CSMD1: variants seen among roughly 807,000 people sequenced by gnomAD.
CSMD1 encodes CUB and sushi domain-containing protein 1.
A neutral mutation model predicts 417.5 loss-of-function variants in CSMD1; 213 were observed. That is an observed-to-expected ratio of 0.51 (90% confidence interval 0.46 to 0.57). CSMD1 has a LOEUF of 0.57. Ranked by LOEUF, CSMD1 falls within the 20% of genes least tolerant of loss-of-function variation. The probability of loss-of-function intolerance (pLI) is 0.00; values close to 1 mark genes in which losing one functional copy is unlikely to be tolerated. For missense variants in CSMD1, 6,923 were observed against 4,529.7 expected (o/e 1.53, Z -15.17); for synonymous variants, 2,862 against 1,736.8 (o/e 1.65, Z -16.11).
At chr8:4,159,928 G>C (rs538785496) in intron 3 of CSMD1, among the ~76,000 whole-genome samples, 64 of 152,108 alleles carry the variant, frequency 4.2e-4, no homozygotes, top group African/African-American at 1.4e-3. Context: ...AAAAACTTTC[G>C]GGCCTTGAGG....
chr8:4,806,966 T>A (rs1798625180), intron 1 of CSMD1, among the ~76,000 whole-genome samples: 1 of 152,234 alleles, frequency 6.6e-6, no homozygotes, highest in South Asian at 2.1e-4. Context: ...TATGTGGCAT[T>A]TTGATTTTTC....
At chr8:4,291,734 G>C (rs530271737) in intron 3 of CSMD1, among the ~76,000 whole-genome samples, 1 of 151,984 alleles carries the variant, frequency 6.6e-6, no homozygotes, top group Non-Finnish European at 1.5e-5. Flanking sequence ...AGTTATATGC[G>C]GAGACAAAAG....
At chr8:3,768,945 C>T (rs190788640) in intron 5 of CSMD1, among the ~76,000 whole-genome samples, 38 of 152,286 alleles carry the variant, frequency 2.5e-4, no homozygotes, top group African/African-American at 5.8e-4. Context: ...TGCTGTGTTC[C>T]GATGGAAGGT....
At chr8:3,118,628 A>G (rs747945266) in intron 41 of CSMD1, 41 bp from the exon 42 acceptor site, 1 of 1,569,558 alleles carries the variant, frequency 6.4e-7, no homozygotes, top group East Asian at 2.3e-5. Flanking sequence ...TATATTTGTG[A>G]GGTTAAATTA....
At chr8:3,407,661 G>C (rs915986701) in intron 14 of CSMD1, among the ~76,000 whole-genome samples, 1 of 152,156 alleles carries the variant, frequency 6.6e-6, no homozygotes, top group African/African-American at 2.4e-5. Context: ...GGAGATGAAA[G>C]AGAGAGGAGA....
intron 49 of CSMD1, among the ~76,000 whole-genome samples, chr8:3,068,925 T>C (rs909371311): frequency 2.6e-5 from 4 of 152,106 alleles, no homozygotes; most frequent in African/African-American, 9.7e-5. Context: ...TCTCATATCC[T>C]TCTCATATTG....
At chr8:3,566,511 C>A (rs866911482) in intron 10 of CSMD1, among the ~76,000 whole-genome samples, 1 of 150,868 alleles carries the variant, frequency 6.6e-6, no homozygotes, top group East Asian at 1.9e-4. Flanking sequence ...TGCTCAGCCC[C>A]GGTACACCCA....
intron 6 of CSMD1, among the ~76,000 whole-genome samples, chr8:3,720,246 A>G (rs78883905): frequency 3.3e-5 from 5 of 152,258 alleles, no homozygotes; most frequent in East Asian, 3.9e-4. Flanking sequence ...TTCACTTCCA[A>G]TGGAGAAATT....
chr8:3,332,689 G>GCACA (rs148237234), intron 23 of CSMD1, among the ~76,000 whole-genome samples: 4,295 of 152,136 alleles, frequency 0.028, 206 homozygotes, highest in African/African-American at 0.098. Flanking sequence ...GTGTGCGTGC[G>GCACA]CACACACACA....
intron 8 of CSMD1, among the ~76,000 whole-genome samples, chr8:3,602,889 A>T (rs1801430078): frequency 1.3e-5 from 2 of 152,216 alleles, no homozygotes; most frequent in South Asian, 4.1e-4. Flanking sequence ...CTAACAAATT[A>T]ATATAGGCTC....
intron 12 of CSMD1, among the ~76,000 whole-genome samples, chr8:3,422,014 C>G (rs765680855): frequency 6.6e-6 from 1 of 151,916 alleles, no homozygotes; most frequent in African/African-American, 2.4e-5. Context: ...GCGCCCGGCC[C>G]CACAGATGTC....
intron 2 of CSMD1, among the ~76,000 whole-genome samples, chr8:4,430,014 C>G (rs1213109875): frequency 6.6e-6 from 1 of 152,160 alleles, no homozygotes; most frequent in Non-Finnish European, 1.5e-5. Flanking sequence ...AGTGCCTTCC[C>G]ACTGAAATGA....
chr8:4,006,132 T>A (rs1485073946), intron 4 of CSMD1, among the ~76,000 whole-genome samples: 2 of 152,160 alleles, frequency 1.3e-5, no homozygotes, highest in East Asian at 3.9e-4. Flanking sequence ...TATTCACATA[T>A]CAACCACAGA....
At chr8:4,909,854 G>C (rs1805545556) in intron 1 of CSMD1, among the ~76,000 whole-genome samples, 1 of 152,162 alleles carries the variant, frequency 6.6e-6, no homozygotes. Flanking sequence ...TCAGTTCTCT[G>C]ATGGGTTCAG....
chr8:4,094,026 A>G (rs1158415757), intron 3 of CSMD1, among the ~76,000 whole-genome samples: 1 of 152,078 alleles, frequency 6.6e-6, no homozygotes, highest in Non-Finnish European at 1.5e-5. Context: ...AAAAAAGACA[A>G]AGAAAATCAA....
intron 2 of CSMD1, among the ~76,000 whole-genome samples, chr8:4,614,281 A>C (rs1801351485): frequency 2.0e-5 from 3 of 152,194 alleles, no homozygotes; most frequent in Admixed American, 6.6e-5. Flanking sequence ...TTTCACACCT[A>C]AACGGACTGG....
At chr8:4,371,240 G>T (rs919015297) in intron 3 of CSMD1, among the ~76,000 whole-genome samples, 3 of 152,138 alleles carry the variant, frequency 2.0e-5, no homozygotes, top group Admixed American at 6.5e-5. Flanking sequence ...GGGGGATTAG[G>T]ACCAGGTCAG....
intron 3 of CSMD1, among the ~76,000 whole-genome samples, chr8:4,121,539 G>C (rs183984075): frequency 1.3e-5 from 2 of 150,976 alleles, no homozygotes; most frequent in African/African-American, 4.9e-5. Context: ...GTTAATAGAA[G>C]TGAAGCAATT....
At chr8:4,026,807 T>G (rs1194996961) in intron 4 of CSMD1, among the ~76,000 whole-genome samples, 2 of 152,194 alleles carry the variant, frequency 1.3e-5, no homozygotes, top group African/African-American at 2.4e-5. Context: ...TGATTAAGAT[T>G]TATGGCTGTA....
Sources: gnomAD v4.1 joint callset for allele counts (sites outside exome capture counted in the v4.1 genomes callset) on GRCh38, gnomAD v4.1.1 for gene constraint, MANE v1.5 for transcripts, NCBI Gene and HGNC (gene_info 2026-07-23, HGNC 2026-07-21) for gene names.